Variants in C7orf78 observed in about 807,000 individuals in gnomAD.
C7orf78 encodes putative uncharacterized protein C7orf78.
At chr7:12,530,789 G>T in the C7orf78 span, among the ~76,000 whole-genome samples, 1 of 152,132 alleles carries the variant, frequency 6.6e-6, no homozygotes, top group African/African-American at 2.4e-5. Context: ...GACTCTTGTA[G>T]AAAAAAATGT....
At chr7:12,540,270 C>T in the C7orf78 span, among the ~76,000 whole-genome samples, 1 of 152,218 alleles carries the variant, frequency 6.6e-6, no homozygotes, top group African/African-American at 2.4e-5. Flanking sequence ...GCTCCTGTCT[C>T]CCCTCACCTA....
At chr7:12,491,157 G>A in the C7orf78 span, 12 of 152,072 alleles carry the variant, frequency 7.9e-5, no homozygotes, top group Admixed American at 7.2e-4. Flanking sequence ...TCTTCACAGG[G>A]ATCACAGTAA....
At chr7:12,503,922 C>T in the C7orf78 span, among the ~76,000 whole-genome samples, 7 of 150,476 alleles carry the variant, frequency 4.7e-5, no homozygotes, top group Non-Finnish European at 7.4e-5. Context: ...CCAGCCTAGG[C>T]GACAGAGCAT....
chr7:12,523,413 A>G, the C7orf78 span: 2 of 398,156 alleles, frequency 5.0e-6, no homozygotes, highest in African/African-American at 2.1e-5. Flanking sequence ...CCCAAACCAC[A>G]TGACTTTCGA....
the C7orf78 span, among the ~76,000 whole-genome samples, chr7:12,502,576 G>C: frequency 6.7e-6 from 1 of 150,230 alleles, no homozygotes; most frequent in Non-Finnish European, 1.5e-5. Context: ...TAAAAAGTCA[G>C]GAAACAACAG....
chr7:12,494,947 C>T, the C7orf78 span, among the ~76,000 whole-genome samples: 2 of 152,192 alleles, frequency 1.3e-5, no homozygotes, highest in Non-Finnish European at 2.9e-5. Context: ...CCAAACAACA[C>T]CTCCACGCAC....
the C7orf78 span, among the ~76,000 whole-genome samples, chr7:12,486,580 A>C: frequency 6.6e-6 from 1 of 152,018 alleles, no homozygotes; most frequent in East Asian, 1.9e-4. Context: ...TGAAGCCATT[A>C]AACAGTGATT....
the C7orf78 span, among the ~76,000 whole-genome samples, chr7:12,520,028 G>A: frequency 0.036 from 5,459 of 152,320 alleles, 342 homozygotes; most frequent in African/African-American, 0.13. Context: ...TAGGGTTAAT[G>A]TGGGTACAGG....
At chr7:12,507,658 C>A in the C7orf78 span, among the ~76,000 whole-genome samples, 1 of 152,170 alleles carries the variant, frequency 6.6e-6, no homozygotes, top group Non-Finnish European at 1.5e-5. Flanking sequence ...GACAGTATCA[C>A]TAACTGTCCC....
chr7:12,525,706 CA>C, the C7orf78 span: 3 of 385,542 alleles, frequency 7.8e-6, no homozygotes, highest in Non-Finnish European at 1.4e-5. Flanking sequence ...ACAACAAAAT[CA>C]TCAAAATTAC....
the C7orf78 span, among the ~76,000 whole-genome samples, chr7:12,518,469 T>G: frequency 6.6e-6 from 1 of 152,112 alleles, no homozygotes; most frequent in Non-Finnish European, 1.5e-5. Context: ...ATGACTGTCT[T>G]ATTCCTGAGC....
chr7:12,506,071 G>T, the C7orf78 span: 1 of 152,730 alleles, frequency 6.5e-6, no homozygotes, highest in Non-Finnish European at 1.5e-5. Context: ...AAACAGAGAT[G>T]ACTATCAAAA....
At chr7:12,504,041 C>T in the C7orf78 span, among the ~76,000 whole-genome samples, 1 of 152,132 alleles carries the variant, frequency 6.6e-6, no homozygotes, top group Admixed American at 6.5e-5. Flanking sequence ...TAAAAAATGT[C>T]CTTTGAAGAA....
chr7:12,495,547 A>T, the C7orf78 span, among the ~76,000 whole-genome samples: 2 of 152,202 alleles, frequency 1.3e-5, 1 homozygote, highest in South Asian at 4.1e-4. Flanking sequence ...CCAGTTTGGA[A>T]ATCCCCTTTG....
chr7:12,537,921 C>T, the C7orf78 span, among the ~76,000 whole-genome samples: 1 of 152,022 alleles, frequency 6.6e-6, no homozygotes, highest in Non-Finnish European at 1.5e-5. Context: ...TATATATACA[C>T]ATATCTGTAT....
At chr7:12,514,071 T>C in the C7orf78 span, among the ~76,000 whole-genome samples, 93 of 152,142 alleles carry the variant, frequency 6.1e-4, no homozygotes, top group Non-Finnish European at 1.1e-3. Context: ...TAAATGCCTG[T>C]TAGGTTCATT....
At chr7:12,494,473 A>T in the C7orf78 span, among the ~76,000 whole-genome samples, 2 of 152,196 alleles carry the variant, frequency 1.3e-5, no homozygotes, top group African/African-American at 4.8e-5. Flanking sequence ...AAAAAGGGAG[A>T]GAAAAAACAC....
At chr7:12,526,433 C>A in the C7orf78 span, among the ~76,000 whole-genome samples, 1 of 152,022 alleles carries the variant, frequency 6.6e-6, no homozygotes, top group Non-Finnish European at 1.5e-5. Context: ...TATTATTTAG[C>A]ATTTCTTATT....
chr7:12,529,544 G>A, the C7orf78 span, among the ~76,000 whole-genome samples: 3 of 152,206 alleles, frequency 2.0e-5, no homozygotes, highest in African/African-American at 7.2e-5. Context: ...GTCTCAGGAG[G>A]TTCTGAGAAC....
Sources: gnomAD v4.1 joint callset for allele counts (sites outside exome capture counted in the v4.1 genomes callset) on GRCh38, gnomAD v4.1.1 for gene constraint, MANE v1.5 for transcripts, NCBI Gene and HGNC (gene_info 2026-07-23, HGNC 2026-07-21) for gene names.